Variants in IMMP2L observed in about 807,000 individuals in gnomAD.
The protein encoded by IMMP2L is inner mitochondrial membrane peptidase subunit 2, also known as mitochondrial inner membrane protease subunit 2.
In IMMP2L, 18 loss-of-function variants were observed where a neutral mutation model predicts 19.3. That is an observed-to-expected ratio of 0.93 (90% CI 0.64 to 1.38). The LOEUF is 1.38. Ranked by LOEUF, IMMP2L falls within the 40% of genes most tolerant of loss-of-function variation. The pLI is 0.00. For missense variants in IMMP2L, 233 were observed against 218.2 expected (o/e 1.07, Z -0.43); for synonymous variants, 76 against 73.0 (o/e 1.04, Z -0.21).
chr7:111,165,623 C>T (rs933076248), intron 3 of IMMP2L, among the ~76,000 whole-genome samples: 1 of 151,844 alleles, frequency 6.6e-6, no homozygotes, highest in Admixed American at 6.6e-5. Context: ...TTTTAAAAAT[C>T]GTGATTTACT....
chr7:111,225,821 G>T (rs2129621793), intron 3 of IMMP2L, among the ~76,000 whole-genome samples: 1 of 151,904 alleles, frequency 6.6e-6, no homozygotes, highest in South Asian at 2.1e-4. Context: ...CTTGCATGTT[G>T]TTTCAGTGTG....
intron 5 of IMMP2L, among the ~76,000 whole-genome samples, chr7:110,665,957 T>G (rs1791420831): frequency 6.6e-6 from 1 of 152,234 alleles, no homozygotes; most frequent in Admixed American, 6.5e-5. Flanking sequence ...CTATTCCTTC[T>G]TTTGCATTTA....
chr7:110,767,885 C>T (rs1285476707), intron 5 of IMMP2L, among the ~76,000 whole-genome samples: 1 of 152,148 alleles, frequency 6.6e-6, no homozygotes, highest in Non-Finnish European at 1.5e-5. Context: ...GCACTTAAGA[C>T]ATTTTTTTGG....
intron 5 of IMMP2L, among the ~76,000 whole-genome samples, chr7:110,685,272 T>A (rs1028711572): frequency 6.6e-6 from 1 of 152,108 alleles, no homozygotes; most frequent in Non-Finnish European, 1.5e-5. Flanking sequence ...GAAAACCAGG[T>A]TTACTTTGGT....
chr7:111,259,146 A>G (rs143788737), intron 3 of IMMP2L, among the ~76,000 whole-genome samples: 71 of 152,264 alleles, frequency 4.7e-4, no homozygotes, highest in Middle Eastern at 3.4e-3. Flanking sequence ...AATCTGGTAT[A>G]AACGATTTAA....
rs900339711 is a variant in IMMP2L at position 111,377,327 on chromosome 7, A to G, written c.239+109911T>C. On this transcript the variant is annotated intron_variant, in intron 3 of 5. Coordinates refer to ENST00000405709, the MANE Select transcript of IMMP2L (RefSeq NM_032549.4). ...AAACATCCCTCTATAGTACAGCTCT[A>G]TAGTATAGTATCCTTCTATAGTACA... Among the ~76,000 whole-genome samples, 5 of 152,060 alleles carry G rather than the reference A, an allele frequency of 3.3e-5. No homozygotes were observed. The East Asian group carries it at 9.7e-4, about 29-fold the overall frequency.
chr7:111,282,902 T>G (rs1463636577), intron 3 of IMMP2L, among the ~76,000 whole-genome samples: 3 of 151,998 alleles, frequency 2.0e-5, no homozygotes, highest in Non-Finnish European at 4.4e-5. Flanking sequence ...ACTTTCAACA[T>G]TGCATAGAAC....
chr7:111,479,757 T>C (rs1221128978), intron 3 of IMMP2L, among the ~76,000 whole-genome samples: 3 of 152,110 alleles, frequency 2.0e-5, no homozygotes, highest in Non-Finnish European at 4.4e-5. Flanking sequence ...TATTTCAGAG[T>C]AAAAATGAAA....
At chr7:111,062,719 GGA>G (rs774678874) in intron 3 of IMMP2L, among the ~76,000 whole-genome samples, 14 of 152,172 alleles carry the variant, frequency 9.2e-5, no homozygotes, top group Non-Finnish European at 1.5e-4. Flanking sequence ...CCAAAACAAA[GGA>G]GATACAGGCC....
chr7:111,391,394 T>C (rs769853537), intron 3 of IMMP2L, among the ~76,000 whole-genome samples: 6 of 152,168 alleles, frequency 3.9e-5, no homozygotes, highest in African/African-American at 7.2e-5. Flanking sequence ...CTTCTTGTTA[T>C]AGTAATTATA....
rs563997786 is a variant in IMMP2L, at chr7:111,275,525, A to C, written c.239+211713T>G. Among the ~76,000 whole-genome samples, 5 of 152,296 alleles carry C rather than the reference A, an allele frequency of 3.3e-5. No individual in the cohort carries two copies. The South Asian group carries it at 1.0e-3, about 32-fold the overall frequency. On this transcript the variant is annotated intron_variant, in intron 3 of 5. Coordinates refer to ENST00000405709, the MANE Select transcript of IMMP2L (RefSeq NM_032549.4). ...ATTATACTGAAAATGTAATAATACAAAATTCACTTCTAACAAATCAGATAC... is the reference window on the plus strand; with the variant it reads ...ATTATACTGAAAATGTAATAATACACAATTCACTTCTAACAAATCAGATAC...
At chr7:111,497,753 G>A (rs1367599232) in intron 2 of IMMP2L, among the ~76,000 whole-genome samples, 4 of 151,916 alleles carry the variant, frequency 2.6e-5, no homozygotes, top group Non-Finnish European at 4.4e-5. Flanking sequence ...CCATCTCTCT[G>A]ATTGTATTTC....
intron 3 of IMMP2L, among the ~76,000 whole-genome samples, chr7:111,033,876 G>C (rs1450363082): frequency 6.6e-6 from 1 of 152,090 alleles, no homozygotes; most frequent in African/African-American, 2.4e-5. Context: ...CAGATTAACA[G>C]ATAAATAAAT....
intron 2 of IMMP2L, among the ~76,000 whole-genome samples, chr7:111,504,978 T>C (rs1844725524): frequency 6.6e-6 from 1 of 152,052 alleles, no homozygotes. Context: ...AAATGGGATC[T>C]AATTAAACTA....
chr7:110,806,126 A>C (rs1801614630), intron 5 of IMMP2L, among the ~76,000 whole-genome samples: 1 of 152,178 alleles, frequency 6.6e-6, no homozygotes, highest in Admixed American at 6.5e-5. Flanking sequence ...GTGAGTAATA[A>C]GATGGATAGC....
chr7:111,459,406 GTAA>G (rs1173183074), intron 3 of IMMP2L, among the ~76,000 whole-genome samples: 1 of 152,078 alleles, frequency 6.6e-6, no homozygotes, highest in African/African-American at 2.4e-5. Context: ...ATAGGCACTA[GTAA>G]TACAACAATG....
intron 5 of IMMP2L, among the ~76,000 whole-genome samples, chr7:110,778,681 T>A (rs571725401): frequency 3.9e-5 from 6 of 151,996 alleles, no homozygotes; most frequent in African/African-American, 1.4e-4. Flanking sequence ...ACCAAAGAAA[T>A]TACATTTTAA....
intron 1 of IMMP2L, among the ~76,000 whole-genome samples, chr7:111,543,553 G>A (rs776538477): frequency 2.6e-5 from 4 of 152,062 alleles, no homozygotes; most frequent in Non-Finnish European, 5.9e-5. Context: ...AGAATCCTCA[G>A]TCAAAAATAC....
At chr7:110,932,611 C>T (rs898876614) in intron 4 of IMMP2L, among the ~76,000 whole-genome samples, 8 of 152,168 alleles carry the variant, frequency 5.3e-5, no homozygotes, top group African/African-American at 1.4e-4. Flanking sequence ...ACCTCGGCCT[C>T]CCAAAGTGCT....
Sources: gnomAD v4.1 joint callset for allele counts (sites outside exome capture counted in the v4.1 genomes callset) on GRCh38, gnomAD v4.1.1 for gene constraint, MANE v1.5 for transcripts, NCBI Gene and HGNC (gene_info 2026-07-23, HGNC 2026-07-21) for gene names.